RORB: variants seen among roughly 807,000 people sequenced by gnomAD.
RORB encodes the protein RAR related orphan receptor B.
A neutral mutation model predicts 59.1 loss-of-function variants in RORB; 6 were observed. The ratio of observed to expected loss-of-function variants is 0.10; its 90% CI spans 0.06 to 0.20. RORB has a LOEUF of 0.20. Among genes scored for constraint, RORB ranks in the 10% least tolerant of loss-of-function variants. RORB has a pLI of 1.00. For synonymous variants in RORB, 215 were observed against 204.5 expected (o/e 1.05, Z -0.44); for missense variants, 320 against 560.5 (o/e 0.57, Z 4.33).
intron 1 of RORB, among the ~76,000 whole-genome samples, chr9:74,573,668 A>G (rs920224486): frequency 2.6e-5 from 4 of 151,924 alleles, no homozygotes; most frequent in Non-Finnish European, 5.9e-5. Flanking sequence ...CTGGTTTCCA[A>G]CTCCTTTTGG....
At chr9:74,573,658 C>CT (rs1001219015) in intron 1 of RORB, among the ~76,000 whole-genome samples, 2 of 152,086 alleles carry the variant, frequency 1.3e-5, no homozygotes, top group African/African-American at 4.8e-5. Flanking sequence ...CGGCTACTGT[C>CT]TGGTTTCCAA....
At chr9:74,541,332 C>CCAATCAA (rs1048435398) in intron 1 of RORB, among the ~76,000 whole-genome samples, 4 of 129,956 alleles carry the variant, frequency 3.1e-5, no homozygotes, top group Non-Finnish European at 4.9e-5. Context: ...AACCAACCAA[C>CCAATCAA]CAATCAAACA....
intron 2 of RORB, among the ~76,000 whole-genome samples, chr9:74,634,263 ATCAAGTTCTG>A (rs1823666989): frequency 6.6e-6 from 1 of 152,100 alleles, no homozygotes; most frequent in Non-Finnish European, 1.5e-5. Context: ...GATTTTTCCC[ATCAAGTTCTG>A]TCATGTTTGG....
intron 4 of RORB, among the ~76,000 whole-genome samples, chr9:74,658,717 A>G (rs1161649222): frequency 6.6e-6 from 1 of 152,232 alleles, no homozygotes; most frequent in Non-Finnish European, 1.5e-5. Context: ...ATTCTAAGTA[A>G]TTAGACTGCC....
In RORB at chr9:74,685,197, A is replaced by G. The variant is rs547581124; in HGVS notation, c.1225-266A>G. Among the ~76,000 whole-genome samples, 32 of 131,608 alleles carry G rather than the reference A, an allele frequency of 2.4e-4. No individual in the cohort carries two copies. The Admixed American group carries it at 2.6e-3, about 11-fold the overall frequency. The allele number at this position is 131,608 out of a possible 152,430, so 86.3% of individuals were successfully genotyped here. On this transcript the variant is annotated intron_variant, in intron 9 of 9. Transcript: ENST00000376896. ...TATTAAACTAGAAAACCTCTCATATATACTTATTTAAGAGCGATGAATCAG... is the reference window on the plus strand; with the variant it reads ...TATTAAACTAGAAAACCTCTCATATGTACTTATTTAAGAGCGATGAATCAG...
intron 1 of RORB, among the ~76,000 whole-genome samples, chr9:74,568,875 T>A (rs920396955): frequency 1.3e-5 from 2 of 152,202 alleles, no homozygotes; most frequent in Middle Eastern, 3.4e-3. Flanking sequence ...TCAAGATATT[T>A]ATAGTGTCAC....
intron 1 of RORB, among the ~76,000 whole-genome samples, chr9:74,627,346 CCTTTCCACACACAG>C (rs1823537537): frequency 6.6e-6 from 1 of 152,028 alleles, no homozygotes; most frequent in African/African-American, 2.4e-5. Context: ...ACTGATAACC[CCTTTCCACACACAG>C]CTATACACAT....
rs761449188 is a variant in RORB at position 74,665,472 on chromosome 9, T to G, written c.893-16T>G. On this transcript the variant is annotated splice_polypyrimidine_tract_variant and intron_variant, in intron 6 of 9. Transcript: ENST00000376896. ...TGTATTTTTATTTTATTTTTATTTT[T>G]ATTTTTTACTCATAGGTTGCTTGGA... The G allele has an allele frequency of 2.7e-6, 4 of 1,491,098 alleles. No homozygotes were observed. In the African/African-American group the frequency reaches 4.2e-5, roughly 16 times the overall value. 92.4% of individuals were successfully genotyped at this position (1,491,098 alleles called of 1,614,324 possible). A position where few individuals can be genotyped will look rare whatever the true frequency, so the allele number is the denominator to read the frequency against.
chr9:74,559,569 A>G (rs1050932696), intron 1 of RORB, among the ~76,000 whole-genome samples: 2 of 152,104 alleles, frequency 1.3e-5, no homozygotes, highest in African/African-American at 4.8e-5. Context: ...TTTGCACATT[A>G]TTGATAGAGC....
At chr9:74,530,671 G>C (rs977538198) in intron 1 of RORB, among the ~76,000 whole-genome samples, 7 of 151,942 alleles carry the variant, frequency 4.6e-5, no homozygotes, top group Non-Finnish European at 8.8e-5. Flanking sequence ...TCAAGGTGGC[G>C]TTGTTTCTAA....
In RORB at chr9:74,685,576, C is replaced by T; in HGVS notation, c.1338C>T (p.Tyr446=). Residue 446 remains tyrosine, a synonymous_variant, in exon 10 of 10, where the codon TAC becomes TAT. Transcript: ENST00000376896. ...TGAATACACTGTTTCCTCCGTTATA[C>T]AAGGAGCTCTTTAATCCTGACTGTG... The part of the protein sequence containing the change: ...EIVNTLFPPL[Y]KELFNPDCAT... 2.5e-6 allele frequency: 4 copies of T among 1,610,896 alleles called. No homozygotes were observed. The highest frequency in any genetic ancestry group is 3.4e-6 in the Non-Finnish European group (4 of 1,177,518).
At position 74,607,724 on chromosome 9, in the gene RORB, G is replaced by A. The variant is rs75651618; in HGVS notation, c.8-22558G>A. Among the ~76,000 whole-genome samples, 939 of 152,224 alleles carry A rather than the reference G, an allele frequency of 6.2e-3. 14 individuals carry two copies. The highest frequency in any genetic ancestry group is 0.022 in the African/African-American group (901 of 41,520). ...ACTATAGATACTCTACACCATGGCT[G>A]TAGGACAAATTACTGACTAGAGCCT... is the stretch of plus-strand genomic sequence containing the variant. On this transcript the variant is annotated intron_variant, in intron 1 of 9. Coordinates refer to ENST00000376896, the MANE Select transcript of RORB (RefSeq NM_006914.4).
At chr9:74,524,424 G>A (rs905917587) in intron 1 of RORB, among the ~76,000 whole-genome samples, 1 of 151,890 alleles carries the variant, frequency 6.6e-6, no homozygotes, top group Admixed American at 6.6e-5. Context: ...AATCTTAAGA[G>A]ATCTTGAAGG....
chr9:74,677,901 A>C (rs930905294), intron 9 of RORB, among the ~76,000 whole-genome samples: 1 of 152,112 alleles, frequency 6.6e-6, no homozygotes, highest in Admixed American at 6.6e-5. Flanking sequence ...TCACTCAATA[A>C]ATACTTACTA....
At chr9:74,615,578 G>C (rs1345553629) in intron 1 of RORB, 1 of 453,528 alleles carries the variant, frequency 2.2e-6, no homozygotes, top group Admixed American at 2.4e-5. Context: ...TTTTCAGTTA[G>C]ACTTTTAATT....
At chr9:74,505,735 C>G (rs1008681082) in intron 1 of RORB, among the ~76,000 whole-genome samples, 3 of 151,948 alleles carry the variant, frequency 2.0e-5, no homozygotes, top group African/African-American at 7.2e-5. Flanking sequence ...AGTTGTACTC[C>G]TCAGTTGCCT....
In RORB at chr9:74,525,462, T is replaced by C. The variant is rs544126445; in HGVS notation, c.7+27479T>C. On this transcript the variant is annotated intron_variant, in intron 1 of 9. Transcript: ENST00000376896. ...GTAAAACTGTATTGTTACTCTTTCATAGAGGAAGCTAGAGGTTTATCTTTA... is the reference window on the plus strand; with the variant it reads ...GTAAAACTGTATTGTTACTCTTTCACAGAGGAAGCTAGAGGTTTATCTTTA... Among the ~76,000 whole-genome samples the C allele has an allele frequency of 5.3e-5, 8 of 152,114 alleles. No homozygotes were observed. The East Asian group carries it at 1.2e-3, about 22-fold the overall frequency.
At chr9:74,586,138 A>G (rs946017704) in intron 1 of RORB, among the ~76,000 whole-genome samples, 6 of 152,146 alleles carry the variant, frequency 3.9e-5, no homozygotes, top group Non-Finnish European at 5.9e-5. Flanking sequence ...TAAATTTACC[A>G]AAGTGTTAAT....
chr9:74,516,703 T>C (rs1826015947), intron 1 of RORB, among the ~76,000 whole-genome samples: 1 of 152,004 alleles, frequency 6.6e-6, no homozygotes, highest in Non-Finnish European at 1.5e-5. Flanking sequence ...TTAACTGACA[T>C]ATCAGTTACC....
Sources: gnomAD v4.1 joint callset for allele counts (sites outside exome capture counted in the v4.1 genomes callset) on GRCh38, gnomAD v4.1.1 for gene constraint, MANE v1.5 for transcripts, NCBI Gene and HGNC (gene_info 2026-07-23, HGNC 2026-07-21) for gene names.